The following SETD7 variants were observed in gnomAD, a reference collection of about 807,000 sequenced individuals.
SETD7 encodes SET domain containing 7, histone lysine methyltransferase, also known as histone-lysine N-methyltransferase SETD7.
SETD7 carries 16 observed loss-of-function variants against 41.8 expected under a neutral mutation model. The observed-to-expected ratio is 0.38, with a 90% CI of 0.26 to 0.58. SETD7 has a LOEUF of 0.58. Ranked by LOEUF, SETD7 falls within the 20% of genes least tolerant of loss-of-function variation. The pLI is 0.64. For missense variants in SETD7, 346 were observed against 459.7 expected, an observed-to-expected ratio of 0.75 and a Z score of 2.26; for synonymous variants, 163 against 169.7, an observed-to-expected ratio of 0.96 and a Z score of 0.31.
chr4:139,536,883 A>T (rs1057307326), intron 2 of SETD7, among the ~76,000 whole-genome samples: 1 of 152,180 alleles, frequency 6.6e-6, no homozygotes, highest in Non-Finnish European at 1.5e-5. Flanking sequence ...GGCACCTGTA[A>T]CCACAGCTAC....
chr4:139,552,975 A>G (rs893684619), intron 1 of SETD7, among the ~76,000 whole-genome samples: 7 of 152,204 alleles, frequency 4.6e-5, no homozygotes, highest in African/African-American at 1.7e-4. Context: ...ACACTGGAAA[A>G]CTAAACATCA....
At chr4:139,540,452 T>C (rs1455434722) in intron 2 of SETD7, among the ~76,000 whole-genome samples, 1 of 152,202 alleles carries the variant, frequency 6.6e-6, no homozygotes, top group Non-Finnish European at 1.5e-5. Context: ...AGTTGGAAGA[T>C]GGTAGCAGAT....
At chr4:139,493,199 T>G (rs954148727), downstream of SETD7, among the ~76,000 whole-genome samples, 12 of 152,134 alleles carry the variant, frequency 7.9e-5, no homozygotes, top group South Asian at 2.1e-4. Flanking sequence ...AGACAGCAGA[T>G]AAGTTGAGGA....
At chr4:139,533,084 A>G (rs1291261515) in intron 3 of SETD7, 81 bp downstream of exon 3, 4 of 1,320,200 alleles carry the variant, frequency 3.0e-6, no homozygotes, top group Non-Finnish European at 4.4e-6. Context: ...CCCAAGTTCT[A>G]ACACAGAATA....
At chr4:139,516,034 A>C (rs1395992157) in intron 7 of SETD7, among the ~76,000 whole-genome samples, 3 of 152,178 alleles carry the variant, frequency 2.0e-5, no homozygotes, top group African/African-American at 7.2e-5. Context: ...GAACACGTTC[A>C]GGGGTCATGT....
At chr4:139,512,625 A>G (rs950888499) in intron 7 of SETD7, among the ~76,000 whole-genome samples, 1 of 152,224 alleles carries the variant, frequency 6.6e-6, no homozygotes, top group African/African-American at 2.4e-5. Flanking sequence ...AGCAATAAAT[A>G]GACTTAGCTC....
rs2111117353 is a variant in SETD7, at chr4:139,508,787, TTC to T, written c.*2874_*2875del. ...AGCAGATGTAAAGTAGAAAAATACA[TTC>T]TGAGTATTCTTTTCCACTTGCGTTT... On this transcript the variant is annotated 3_prime_UTR_variant, in exon 8 of 8. Coordinates refer to ENST00000274031, the MANE Select transcript of SETD7 (RefSeq NM_030648.4). 1 of 152,360 alleles carries T rather than the reference TTC, an allele frequency of 6.6e-6. No individual in the cohort carries two copies. The highest frequency in any genetic ancestry group is 6.5e-5 in the Admixed American group (1 of 15,292). 9.4% of individuals were successfully genotyped at this position (152,360 alleles called of 1,614,324 possible).
At chr4:139,542,405 C>T (rs1201491343) in intron 2 of SETD7, among the ~76,000 whole-genome samples, 20 of 152,168 alleles carry the variant, frequency 1.3e-4, no homozygotes, top group Admixed American at 1.3e-3. Context: ...TTTGAATGTT[C>T]TCACCAGAAA....
chr4:139,527,322 G>A (rs1402336923), intron 4 of SETD7, among the ~76,000 whole-genome samples: 1 of 152,218 alleles, frequency 6.6e-6, no homozygotes, highest in Non-Finnish European at 1.5e-5. Flanking sequence ...GAGAGTCCGA[G>A]GCAGGAAGAT....
chr4:139,554,730 T>C (rs1728208026), intron 1 of SETD7, among the ~76,000 whole-genome samples: 2 of 152,244 alleles, frequency 1.3e-5, no homozygotes, highest in Non-Finnish European at 2.9e-5. Flanking sequence ...AAATAAGTTT[T>C]AATATTGGCA....
chr4:139,540,523 A>G (rs902705662), intron 2 of SETD7, among the ~76,000 whole-genome samples: 43 of 152,198 alleles, frequency 2.8e-4, no homozygotes, highest in African/African-American at 9.7e-4. Context: ...CTCAGCTCCA[A>G]TCATTTTTAA....
chr4:139,532,496 T>C (rs56200923), intron 3 of SETD7: 1 of 152,104 alleles, frequency 6.6e-6, no homozygotes, highest in African/African-American at 2.4e-5. Flanking sequence ...GTATTTTCTG[T>C]AACATTTTCT....
exon 8 of SETD7, chr4:139,496,200 T>A (rs966810789): frequency 2.0e-6 from 1 of 495,284 alleles, no homozygotes. Context: ...GGTGACTTTA[T>A]TTATTGATTT....
At chr4:139,500,551 C>T (rs1486699440) in intron 7 of SETD7, among the ~76,000 whole-genome samples, 1 of 152,202 alleles carries the variant, frequency 6.6e-6, no homozygotes, top group Non-Finnish European at 1.5e-5. Context: ...CTCTGTCGTC[C>T]AGGCTGGAGT....
chr4:139,529,084 G>A lies in SETD7; in HGVS notation c.509C>T (p.Ala170Val). Residue 170 changes from alanine (A) to valine (V), a missense_variant, in exon 4 of 8, where the codon GCT (alanine) becomes GTT (valine). By Grantham distance (64) the Ala-to-Val change is moderately conservative (BLOSUM62 0). This residue lies in a region of SETD7 where 266 missense variants were observed against 377.0 expected (regional missense o/e 0.71). Coordinates refer to ENST00000274031, the MANE Select transcript of SETD7 (RefSeq NM_030648.4). ...CCCTTCTTCAGTGGACATAAGGGTA[G>A]CCAGTTTGCCTTCTATCATCTCTCC... is the stretch of plus-strand genomic sequence containing the variant. ...IDGEMIEGKLATLMSTEEGRP... is the reference protein window; with the variant it reads ...IDGEMIEGKLVTLMSTEEGRP... The A allele has an allele frequency of 1.2e-6, 2 of 1,614,088 alleles. No homozygotes were observed. Among genetic ancestry groups the A allele is most frequent in the Non-Finnish European group, 1.7e-6 (2 of 1,179,984 alleles).
In SETD7 at chr4:139,510,034, C is replaced by G. The variant is rs1726826374; in HGVS notation, c.*1629G>C. On this transcript the variant is annotated 3_prime_UTR_variant, in exon 8 of 8. Coordinates refer to ENST00000274031, the MANE Select transcript of SETD7 (RefSeq NM_030648.4). Reference sequence around the variant, plus strand: ...CACCTGAAATGAAAGTCATGAGCAGCCTGGGATTAAGCACTTTTGTTGTAG... The same window carrying G: ...CACCTGAAATGAAAGTCATGAGCAGGCTGGGATTAAGCACTTTTGTTGTAG... 1 of 236,084 alleles carries G rather than the reference C, an allele frequency of 4.2e-6. No individual in the cohort carries two copies. The highest frequency in any genetic ancestry group is 2.3e-5 in the African/African-American group (1 of 43,054). The allele number at this position is 236,084 out of a possible 1,614,324, so 14.6% of individuals were successfully genotyped here.
At chr4:139,502,308 A>G (rs1314404193), downstream of SETD7, among the ~76,000 whole-genome samples, 2 of 152,368 alleles carry the variant, frequency 1.3e-5, no homozygotes, top group East Asian at 3.9e-4. Flanking sequence ...GTATGCTAGA[A>G]GGTAATGAGA....
At position 139,509,173 on chromosome 4, in the gene SETD7, C is replaced by G. The variant is rs1726793036; in HGVS notation, c.*2490G>C. ...CTGTTACCCAGGATGCCCAGGCGTT[C>G]TCACATATGCAGAGAGAAGAGGAAA... On this transcript the variant is annotated 3_prime_UTR_variant, in exon 8 of 8. Coordinates refer to ENST00000274031, the MANE Select transcript of SETD7 (RefSeq NM_030648.4). The G allele has an allele frequency of 6.6e-6, 1 of 152,580 alleles. No homozygotes were observed. The highest frequency in any genetic ancestry group is 2.4e-5 in the African/African-American group (1 of 41,386). The allele number at this position is 152,580 out of a possible 1,614,324, so 9.5% of individuals were successfully genotyped here. A position where few individuals can be genotyped will look rare whatever the true frequency, so the allele number is the denominator to read the frequency against.
intron 6 of SETD7, among the ~76,000 whole-genome samples, chr4:139,519,696 GA>G (rs1727126796): frequency 6.6e-6 from 1 of 152,246 alleles, no homozygotes; most frequent in Non-Finnish European, 1.5e-5. Context: ...GACAAGGAAG[GA>G]GCGCATAAGC....
Sources: gnomAD v4.1 joint callset for allele counts (sites outside exome capture counted in the v4.1 genomes callset) on GRCh38, gnomAD v4.1.1 for gene constraint, gnomAD v4.1.1 regional missense constraint, MANE v1.5 for transcripts, NCBI Gene and HGNC (gene_info 2026-07-23, HGNC 2026-07-21) for gene names.